The following MEIS1 variants were observed in gnomAD, a reference collection of about 807,000 sequenced individuals.
The protein encoded by MEIS1 is homeobox protein Meis1.
MEIS1 carries 5 observed loss-of-function variants against 50.8 expected under a neutral mutation model. The observed-to-expected ratio is 0.10, with a 90% confidence interval of 0.05 to 0.21. MEIS1 has a LOEUF of 0.21. Among genes scored for constraint, MEIS1 ranks in the 10% least tolerant of loss-of-function variants. The probability of loss-of-function intolerance (pLI) is 1.00; values close to 1 mark genes in which losing one functional copy is unlikely to be tolerated. For missense variants in MEIS1, 318 were observed against 517.3 expected (o/e 0.61, Z 3.74); for synonymous variants, 176 against 179.3 (o/e 0.98, Z 0.15).
intron 6 of MEIS1, chr2:66,445,051 A>T (rs1346323931): frequency 6.6e-6 from 1 of 152,190 alleles, no homozygotes; most frequent in Admixed American, 6.5e-5. Context: ...TCCTTCCCTA[A>T]ACTTTTGTTA....
At chr2:66,543,403 C>T (rs1000512370) in intron 8 of MEIS1, among the ~76,000 whole-genome samples, 9 of 152,106 alleles carry the variant, frequency 5.9e-5, no homozygotes, top group African/African-American at 1.9e-4. Context: ...AAGGTGTTGA[C>T]GATTGAAATA....
At chr2:66,440,635 C>T (rs1274932783) in intron 4 of MEIS1, 23 bp downstream of exon 4, 2 of 1,353,518 alleles carry the variant, frequency 1.5e-6, no homozygotes, top group African/African-American at 1.5e-5. Flanking sequence ...CCCTATTTCC[C>T]TCCCCCGCCC....
intron 7 of MEIS1, among the ~76,000 whole-genome samples, chr2:66,492,069 T>TTGTG (rs139510530): frequency 1.5e-4 from 21 of 144,666 alleles, no homozygotes; most frequent in East Asian, 1.2e-3. Context: ...GAGCGTTCAC[T>TTGTG]TGTGTGTGTG....
intron 7 of MEIS1, among the ~76,000 whole-genome samples, chr2:66,467,927 C>T (rs866573067): frequency 2.6e-5 from 4 of 152,178 alleles, no homozygotes; most frequent in South Asian, 2.1e-4. Flanking sequence ...TTTTTGTTTA[C>T]TCCATAACTT....
At chr2:66,488,939 T>C (rs1673204955) in intron 7 of MEIS1, among the ~76,000 whole-genome samples, 1 of 152,224 alleles carries the variant, frequency 6.6e-6, no homozygotes, top group African/African-American at 2.4e-5. Context: ...ATACTGCTGC[T>C]TACCTGTCAA....
chr2:66,435,927 A>G (rs1671786598), intron 1 of MEIS1, 59 bp downstream of exon 1: 1 of 1,475,428 alleles, frequency 6.8e-7, no homozygotes, highest in South Asian at 1.3e-5. Context: ...AACGTGGCCG[A>G]AAGACACTGC....
At chr2:66,543,210 A>G (rs564288382) in intron 8 of MEIS1, among the ~76,000 whole-genome samples, 65 of 152,270 alleles carry the variant, frequency 4.3e-4, no homozygotes, top group African/African-American at 1.5e-3. Context: ...TTTCTCAGAC[A>G]TCCTTTAACT....
intron 7 of MEIS1, among the ~76,000 whole-genome samples, chr2:66,486,669 A>G (rs1673150194): frequency 6.6e-6 from 1 of 152,224 alleles, no homozygotes; most frequent in South Asian, 2.1e-4. Context: ...AATAGCATTG[A>G]ATCTATAAAT....
At chr2:66,475,966 G>T (rs1009429468) in intron 7 of MEIS1, among the ~76,000 whole-genome samples, 1 of 152,104 alleles carries the variant, frequency 6.6e-6, no homozygotes, top group African/African-American at 2.4e-5. Flanking sequence ...GATGCCATGA[G>T]GCCTTTCTTC....
chr2:66,557,329 T>C (rs1483542423), intron 9 of MEIS1, among the ~76,000 whole-genome samples: 1 of 152,194 alleles, frequency 6.6e-6, no homozygotes. Context: ...CAATGGTTTT[T>C]AGTGTGTTCA....
chr2:66,468,924 T>G (rs1161595703), intron 7 of MEIS1, among the ~76,000 whole-genome samples: 2 of 152,216 alleles, frequency 1.3e-5, no homozygotes, highest in Non-Finnish European at 2.9e-5. Context: ...ATTAAGAGCC[T>G]ATATCATTTC....
At chr2:66,473,397 A>AAAAAAAATAT in intron 7 of MEIS1, among the ~76,000 whole-genome samples, 17 of 107,584 alleles carry the variant, frequency 1.6e-4, no homozygotes, top group African/African-American at 8.7e-4. Flanking sequence ...AAAAAAAAAA[A>AAAAAAAATAT]ATATATATAT....
intron 7 of MEIS1, among the ~76,000 whole-genome samples, chr2:66,483,217 T>TTTTTTTTTTTTTGTC (rs1163057147): frequency 2.0e-5 from 2 of 100,042 alleles, no homozygotes; most frequent in South Asian, 2.8e-4. Flanking sequence ...GTTATGCTTA[T>TTTTTTTTTTTTTGTC]TTTTTTTTTT....
chr2:66,536,055 T>C (rs1014801734), intron 8 of MEIS1, among the ~76,000 whole-genome samples: 1 of 152,202 alleles, frequency 6.6e-6, no homozygotes, highest in African/African-American at 2.4e-5. Flanking sequence ...GAATTGATAA[T>C]GCCTGTGTGT....
intron 1 of MEIS1, 107 bp downstream of exon 1, chr2:66,435,975 A>G: frequency 1.0e-6 from 1 of 1,003,626 alleles, no homozygotes; most frequent in Non-Finnish European, 1.4e-6. Flanking sequence ...CTTTTAAAAA[A>G]TGAGGCTCCT....
intron 7 of MEIS1, among the ~76,000 whole-genome samples, chr2:66,492,545 C>T (rs567855150): frequency 1.3e-5 from 2 of 152,318 alleles, no homozygotes; most frequent in African/African-American, 4.8e-5. Flanking sequence ...CTGTTGCTCT[C>T]ATCTGGCTGG....
At chr2:66,506,873 T>G (rs1005688407) in intron 7 of MEIS1, among the ~76,000 whole-genome samples, 4 of 152,122 alleles carry the variant, frequency 2.6e-5, no homozygotes, top group Non-Finnish European at 5.9e-5. Context: ...CTAATAACCC[T>G]GGACATCAGG....
chr2:66,514,625 T>A (rs1427192223), intron 8 of MEIS1, among the ~76,000 whole-genome samples: 2 of 152,214 alleles, frequency 1.3e-5, no homozygotes, highest in African/African-American at 4.8e-5. Context: ...TCTACCTCCA[T>A]TACCCACTCC....
At position 66,527,525 on chromosome 2, in the gene MEIS1, C is replaced by A. The variant is rs377244863; in HGVS notation, c.888+15231C>A. ...TATGGTCAACCAGAGCTGGGGGCCC[C>A]TGTGTAGCCCCTTTGCTGTCCCTAG... On this transcript the variant is annotated intron_variant, in intron 8 of 12. Coordinates refer to ENST00000272369, the MANE Select transcript of MEIS1 (RefSeq NM_002398.3). Among the ~76,000 whole-genome samples, 162 of 151,766 alleles carry A rather than the reference C, an allele frequency of 1.1e-3. No homozygotes were observed. The Middle Eastern group carries it at 0.014, about 13-fold the overall frequency.
Sources: gnomAD v4.1 joint callset for allele counts (sites outside exome capture counted in the v4.1 genomes callset) on GRCh38, gnomAD v4.1.1 for gene constraint, MANE v1.5 for transcripts, NCBI Gene and HGNC (gene_info 2026-07-23, HGNC 2026-07-21) for gene names.